Variants in CHFR observed in about 807,000 individuals in gnomAD.
The protein encoded by CHFR is checkpoint with forkhead and ring finger domains.
CHFR carries 57 observed loss-of-function variants against 87.6 expected under a neutral mutation model. That is an observed-to-expected ratio of 0.65 (90% CI 0.53 to 0.81). CHFR has a LOEUF of 0.81. CHFR is among the 30% of genes least tolerant of loss of function. The pLI is 0.00. For synonymous variants in CHFR, 381 were observed against 359.2 expected (o/e 1.06, Z -0.69); for missense variants, 797 against 865.8 (o/e 0.92, Z 1.00).
Position 132,836,947 on chromosome 12 carries a change from G to T in CHFR, c.*4607C>A, listed in dbSNP as rs769350561. ...ATTTTTTTGAGAGGGGGAGACAAAC[G>T]GTAAACAGATGTTTCCTTTCCGATA... On this transcript the variant is annotated 3_prime_UTR_variant, in exon 18 of 18. Coordinates refer to ENST00000450056, the MANE Select transcript of CHFR (RefSeq NM_001161346.2). 22 of 367,026 alleles carry T rather than the reference G, an allele frequency of 6.0e-5. No individual in the cohort carries two copies. Among genetic ancestry groups the T allele is most frequent in the Middle Eastern group, 5.7e-4 (1 of 1,746 alleles). 22.7% of individuals were successfully genotyped at this position (367,026 alleles called of 1,614,324 possible). A position where few individuals can be genotyped will look rare whatever the true frequency, so the allele number is the denominator to read the frequency against.
chr12:132,853,416 G>C lies in CHFR; in HGVS notation c.1372+15C>G, dbSNP rs1321843156. 1 of 1,508,702 alleles carries C rather than the reference G, an allele frequency of 6.6e-7. No homozygotes were observed. The highest frequency in any genetic ancestry group is 8.8e-7 in the Non-Finnish European group (1 of 1,137,762). The allele number at this position is 1,508,702 out of a possible 1,614,324, so 93.5% of individuals were successfully genotyped here. A position where few individuals can be genotyped will look rare whatever the true frequency, so the allele number is the denominator to read the frequency against. ...ACTCACGCGAAGGCTGAGGCCTGAG[G>C]GCGGCGCGGCTCACCTGTCGTCAGG... On this transcript the variant is annotated intron_variant, in intron 11 of 17. Coordinates refer to ENST00000450056, the MANE Select transcript of CHFR (RefSeq NM_001161346.2).
At chr12:132,853,996 T>A in intron 10 of CHFR, 1 of 164,532 alleles carries the variant, frequency 6.1e-6, no homozygotes, top group Non-Finnish European at 1.3e-5. Flanking sequence ...AAGCCCCGAA[T>A]CACTTGTCTT....
Position 132,848,165 on chromosome 12 carries a change from T to C in CHFR, c.1577-10A>G, listed in dbSNP as rs1355267562. Reference sequence around the variant, plus strand: ...TCACCCAGGTTGAGCTCTGCCGAGATGAAGGGGCAATGTTACCTGTTTATA... The same window carrying C: ...TCACCCAGGTTGAGCTCTGCCGAGACGAAGGGGCAATGTTACCTGTTTATA... On this transcript the variant is annotated splice_polypyrimidine_tract_variant and intron_variant, in intron 13 of 17. Transcript: ENST00000450056. 3 of 1,614,162 alleles carry C rather than the reference T, an allele frequency of 1.9e-6. No homozygotes were observed. The highest frequency in any genetic ancestry group is 1.1e-5 in the South Asian group (1 of 91,072).
chr12:132,856,380 T>C, intron 10 of CHFR, 88 bp downstream of exon 10: 1 of 1,415,196 alleles, frequency 7.1e-7, no homozygotes, highest in African/African-American at 1.4e-5. Context: ...TCAGGACCCA[T>C]GCTGTCCACC....
chr12:132,861,581 C>T lies in CHFR; in HGVS notation c.637G>A (p.Asp213Asn). Residue 213 changes from aspartate to asparagine, a missense_variant, in exon 7 of 18, where the codon GAT (aspartate) becomes AAT (asparagine). Asp to Asn is a conservative substitution (Grantham distance 23, BLOSUM62 1). This residue lies in a region of CHFR where 597 missense variants were observed against 601.2 expected (regional missense o/e 0.99). Coordinates refer to ENST00000450056, the MANE Select transcript of CHFR (RefSeq NM_001161346.2). The stretch of plus-strand genomic sequence containing the variant: ...GCTGAGGCAAAGCTGGAGACTTCAT[C>T]ACTTGCCACAGAGGGACCACTTCCT... ...PKGSGPSVAS[D>N]EVSSFASALP... 6.2e-7 allele frequency: 1 copy of T among 1,614,206 alleles called. No homozygotes were observed. The highest frequency in any genetic ancestry group is 8.5e-7 in the Non-Finnish European group (1 of 1,180,034).
At position 132,851,581 on chromosome 12, in the gene CHFR, T is replaced by C. The variant is rs371671641; in HGVS notation, c.1492+37A>G. 55 of 1,574,724 alleles carry C rather than the reference T, an allele frequency of 3.5e-5. No homozygotes were observed. In the African/African-American group the frequency reaches 6.1e-4, roughly 17 times the overall value. On this transcript the variant is annotated intron_variant, in intron 12 of 17. Coordinates refer to ENST00000450056, the MANE Select transcript of CHFR (RefSeq NM_001161346.2). ...TGAAACCTGACCCCTGAAGGACAGA[T>C]AGGAACCCGCCTGCGTGCGGTGGCG...
intron 9 of CHFR, 117 bp from the exon 10 acceptor site, chr12:132,856,747 C>T (rs1951078485): frequency 4.3e-6 from 5 of 1,169,804 alleles, no homozygotes; most frequent in Non-Finnish European, 6.4e-6. Context: ...CTGGGCGGAC[C>T]GCCCTCACGT....
rs1423178755 is a variant in CHFR, at chr12:132,861,414, C to T, written c.751+53G>A. ...GCACGGAGCATGGCAGCGGCCCCCG[C>T]ATGCCCCAGGAGCACACGAGAGGAC... On this transcript the variant is annotated intron_variant, in intron 7 of 17. Transcript: ENST00000450056. 6.4e-6 allele frequency: 10 copies of T among 1,570,014 alleles called. No homozygotes were observed. The Admixed American group carries it at 1.2e-4, about 19-fold the overall frequency.
Position 132,835,552 on chromosome 12 carries a change from G to A in CHFR, c.*6002C>T. 5.9e-6 allele frequency: 1 copy of A among 168,374 alleles called. No individual in the cohort carries two copies. Among genetic ancestry groups the A allele is most frequent in the Non-Finnish European group, 1.3e-5 (1 of 77,432 alleles). The allele number at this position is 168,374 out of a possible 1,614,324, so 10.4% of individuals were successfully genotyped here. ...TGGTGTCCTCGCAGGAAGAGATTAG[G>A]GCACAAACACGCATGAAGAGAAGAT... On this transcript the variant is annotated 3_prime_UTR_variant, in exon 18 of 18. Transcript: ENST00000450056.
chr12:132,868,229 C>T (rs980811191), intron 6 of CHFR, among the ~76,000 whole-genome samples: 2 of 152,218 alleles, frequency 1.3e-5, no homozygotes, highest in Admixed American at 6.5e-5. Context: ...CGGCAGCTCA[C>T]GCCTGTAATC....
intron 8 of CHFR, among the ~76,000 whole-genome samples, chr12:132,857,982 G>A (rs1593474682): frequency 2.0e-5 from 3 of 152,174 alleles, no homozygotes; most frequent in East Asian, 1.9e-4. Context: ...GGTCACACAC[G>A]ACCCACACAC....
intron 10 of CHFR, 101 bp from the exon 11 acceptor site, chr12:132,853,674 C>CG (rs1244081020): frequency 4.5e-6 from 6 of 1,344,372 alleles, no homozygotes; most frequent in Non-Finnish European, 5.9e-6. Context: ...GCTCCACCGT[C>CG]GCTCAGCTGC....
At chr12:132,854,010 C>T (rs7977432) in intron 10 of CHFR, 99,540 of 158,642 alleles carry the variant, frequency 0.63, 31,902 homozygotes, top group South Asian at 0.83. Flanking sequence ...TTGTCTTTTC[C>T]ACACTTCCCT....
rs1447448116 is a variant in CHFR at position 132,842,996 on chromosome 12, C to G, written c.1916+15G>C. The G allele has an allele frequency of 1.9e-6, 3 of 1,605,270 alleles. No individual in the cohort carries two copies. Among genetic ancestry groups the G allele is most frequent in the Non-Finnish European group, 2.6e-6 (3 of 1,175,456 alleles). Reference sequence around the variant, plus strand: ...TCACTCTGTAGCTGACGCCTGTGCCCCCAGCTGCACTCACATGGCGTGGTG... The same window carrying G: ...TCACTCTGTAGCTGACGCCTGTGCCGCCAGCTGCACTCACATGGCGTGGTG... On this transcript the variant is annotated intron_variant, in intron 17 of 17. Coordinates refer to ENST00000450056, the MANE Select transcript of CHFR (RefSeq NM_001161346.2).
chr12:132,875,081 G>T (rs11612050), intron 3 of CHFR, among the ~76,000 whole-genome samples: 26,142 of 151,080 alleles, frequency 0.17, 2,346 homozygotes, highest in Middle Eastern at 0.23. Flanking sequence ...AGGCCCTGAA[G>T]CAGGCGGGAC....
At chr12:132,880,473 A>G (rs1951741320) in intron 2 of CHFR, among the ~76,000 whole-genome samples, 1 of 151,966 alleles carries the variant, frequency 6.6e-6, no homozygotes, top group Non-Finnish European at 1.5e-5. Flanking sequence ...CCTGGCTAAC[A>G]TGGTGAAACC....
chr12:132,856,422 C>A (rs370149987), intron 10 of CHFR, 46 bp downstream of exon 10: 1 of 1,602,810 alleles, frequency 6.2e-7, no homozygotes, highest in Non-Finnish European at 8.5e-7. Context: ...GGTTGTGATG[C>A]TCCTCTGGCT....
chr12:132,874,013 C>T (rs1230555807), intron 3 of CHFR, among the ~76,000 whole-genome samples: 1 of 152,166 alleles, frequency 6.6e-6, no homozygotes, highest in African/African-American at 2.4e-5. Flanking sequence ...CCTGAGCACC[C>T]CTCCCCTCCA....
chr12:132,863,217 A>G (rs1951257257), intron 6 of CHFR, among the ~76,000 whole-genome samples: 2 of 150,806 alleles, frequency 1.3e-5, no homozygotes, highest in South Asian at 4.2e-4. Flanking sequence ...CTTAAAAAAA[A>G]AAAAAAAATG....
Sources: allele counts gnomAD v4.1 joint callset (sites outside exome capture counted in the v4.1 genomes callset), GRCh38; gene constraint gnomAD v4.1.1; regional missense constraint gnomAD v4.1.1; transcripts MANE v1.5; gene names NCBI Gene and HGNC (gene_info 2026-07-23, HGNC 2026-07-21).